HECW1: variants seen among roughly 807,000 people sequenced by gnomAD.
HECW1 encodes HECT, C2 and WW domain containing E3 ubiquitin protein ligase 1.
Under a neutral mutation model 182.3 loss-of-function variants are expected in HECW1, and 61 were observed. That is an observed-to-expected ratio of 0.33 (90% confidence interval 0.27 to 0.41). The LOEUF is 0.41. HECW1 is among the 10% of genes least tolerant of loss of function. The pLI is 1.00. For synonymous variants in HECW1, 859 were observed against 832.6 expected (o/e 1.03, Z -0.55); for missense variants, 1,739 against 2,108.9 (o/e 0.82, Z 3.44).
intron 5 of HECW1, among the ~76,000 whole-genome samples, chr7:43,350,133 G>T (rs560399703): frequency 2.8e-4 from 43 of 152,202 alleles, no homozygotes; most frequent in Admixed American, 2.7e-3. Flanking sequence ...GCTTAGTTTC[G>T]CTAGATACAA....
chr7:43,238,785 CT>C (rs547024512), intron 2 of HECW1, among the ~76,000 whole-genome samples: 5 of 151,874 alleles, frequency 3.3e-5, no homozygotes, highest in Non-Finnish European at 7.4e-5. Flanking sequence ...TTGTCAAAGC[CT>C]TTTTTTTCCC....
intron 6 of HECW1, among the ~76,000 whole-genome samples, chr7:43,366,979 A>G (rs895979310): frequency 3.3e-5 from 5 of 152,128 alleles, no homozygotes; most frequent in African/African-American, 9.7e-5. Flanking sequence ...TTTTCTATTC[A>G]TTATGTTATG....
intron 24 of HECW1, among the ~76,000 whole-genome samples, chr7:43,526,486 C>A (rs1318726364): frequency 2.0e-5 from 3 of 151,974 alleles, no homozygotes; most frequent in African/African-American, 7.3e-5. Flanking sequence ...TTGGTTTAGC[C>A]CAAGTTGATT....
intron 9 of HECW1, 80 bp from the exon 10 acceptor site, chr7:43,442,449 A>T: frequency 1.0e-6 from 1 of 978,648 alleles, no homozygotes; most frequent in Non-Finnish European, 1.6e-6. Flanking sequence ...TGCCTCACCC[A>T]CTGGTATAGA....
chr7:43,503,272 G>A (rs1019106576), intron 21 of HECW1, among the ~76,000 whole-genome samples: 1 of 152,144 alleles, frequency 6.6e-6, no homozygotes, highest in Admixed American at 6.6e-5. Flanking sequence ...GCACTCATAG[G>A]ATGACCTACT....
At chr7:43,131,844 A>G (rs1269832680) in intron 2 of HECW1, among the ~76,000 whole-genome samples, 1 of 152,226 alleles carries the variant, frequency 6.6e-6, no homozygotes, top group African/African-American at 2.4e-5. Context: ...TTTCCTGATC[A>G]GGAGGGACAT....
At chr7:43,257,449 A>C (rs1800695699) in intron 3 of HECW1, among the ~76,000 whole-genome samples, 1 of 152,152 alleles carries the variant, frequency 6.6e-6, no homozygotes, top group Non-Finnish European at 1.5e-5. Context: ...CAAGGTAAGA[A>C]GGCTGATATT....
At chr7:43,220,883 C>G (rs1030937506) in intron 2 of HECW1, among the ~76,000 whole-genome samples, 2 of 152,154 alleles carry the variant, frequency 1.3e-5, no homozygotes, top group African/African-American at 4.8e-5. Flanking sequence ...TAAAAATGGG[C>G]AGGGCTGGGC....
intron 2 of HECW1, among the ~76,000 whole-genome samples, chr7:43,185,555 T>C (rs10268777): frequency 0.24 from 36,687 of 152,100 alleles, 4,618 homozygotes; most frequent in Middle Eastern, 0.27. Flanking sequence ...CAGCTAGTGT[T>C]TGCTAGAGAA....
chr7:43,203,305 A>C (rs1262902400), intron 2 of HECW1, among the ~76,000 whole-genome samples: 1 of 152,144 alleles, frequency 6.6e-6, no homozygotes, highest in Non-Finnish European at 1.5e-5. Flanking sequence ...GTCCTCTCTT[A>C]GTTTCCTTTT....
At chr7:43,379,901 G>A (rs776925262) in intron 6 of HECW1, among the ~76,000 whole-genome samples, 2 of 152,158 alleles carry the variant, frequency 1.3e-5, no homozygotes, top group Admixed American at 6.5e-5. Context: ...GCCTCCAGGG[G>A]CAGAGATGTA....
Position 43,309,825 on chromosome 7 carries a change from G to A in HECW1, c.28-1938G>A, listed in dbSNP as rs544874058. On this transcript the variant is annotated intron_variant, in intron 3 of 29. Transcript: ENST00000395891. ...ACATGAAGGAAGCCTGTTCAGTGACGGAGCCTGGCTGAGTGCCCAGGCCCT... is the reference window on the plus strand; with the variant it reads ...ACATGAAGGAAGCCTGTTCAGTGACAGAGCCTGGCTGAGTGCCCAGGCCCT... 4.6e-5 allele frequency among the ~76,000 whole-genome samples: 7 copies of A among 152,298 alleles called. No homozygotes were observed. In the East Asian group the frequency reaches 1.2e-3, roughly 25 times the overall value.
At chr7:43,505,206 T>A (rs1008947698) in intron 21 of HECW1, among the ~76,000 whole-genome samples, 1 of 152,174 alleles carries the variant, frequency 6.6e-6, no homozygotes, top group Non-Finnish European at 1.5e-5. Context: ...CACAAATGTG[T>A]TCTTTTTCTA....
At chr7:43,412,259 C>T (rs1252943220) in intron 8 of HECW1, among the ~76,000 whole-genome samples, 1 of 151,976 alleles carries the variant, frequency 6.6e-6, no homozygotes, top group African/African-American at 2.4e-5. Flanking sequence ...CGTGATCTTT[C>T]TTGTTATAGT....
intron 26 of HECW1, among the ~76,000 whole-genome samples, chr7:43,548,236 A>G (rs2081646234): frequency 7.0e-6 from 1 of 142,914 alleles, no homozygotes; most frequent in Admixed American, 7.2e-5. Context: ...GACTCATTAC[A>G]TTTCTAACTT....
At chr7:43,150,201 T>A (rs539153386) in intron 2 of HECW1, among the ~76,000 whole-genome samples, 1 of 152,340 alleles carries the variant, frequency 6.6e-6, no homozygotes, top group African/African-American at 2.4e-5. Context: ...GTAAAATAAC[T>A]TGCTGAAGTT....
intron 17 of HECW1, among the ~76,000 whole-genome samples, chr7:43,482,864 C>T (rs1007153771): frequency 2.6e-5 from 4 of 152,130 alleles, no homozygotes; most frequent in Non-Finnish European, 4.4e-5. Flanking sequence ...GTGTTCACAC[C>T]ACTGCACTCC....
chr7:43,465,902 CAA>C (rs1340518405), intron 14 of HECW1, among the ~76,000 whole-genome samples: 6 of 137,314 alleles, frequency 4.4e-5, no homozygotes, highest in Non-Finnish European at 9.2e-5. Flanking sequence ...TCAAGAAAGA[CAA>C]AGAGAGAGAG....
At chr7:43,321,998 A>C (rs1172267266) in intron 5 of HECW1, among the ~76,000 whole-genome samples, 1 of 152,226 alleles carries the variant, frequency 6.6e-6, no homozygotes, top group African/African-American at 2.4e-5. Flanking sequence ...TGTAGAGGGA[A>C]CATGATTTTG....
Sources: gnomAD v4.1 joint callset for allele counts (sites outside exome capture counted in the v4.1 genomes callset) on GRCh38, gnomAD v4.1.1 for gene constraint, MANE v1.5 for transcripts, NCBI Gene and HGNC (gene_info 2026-07-23, HGNC 2026-07-21) for gene names.